RABGAP1L: variants seen among roughly 807,000 people sequenced by gnomAD.
RABGAP1L encodes rab GTPase-activating protein 1-like.
Under a neutral mutation model 137.7 loss-of-function variants are expected in RABGAP1L, and 63 were observed. That is an observed-to-expected ratio of 0.46 (90% CI 0.37 to 0.56). The LOEUF (loss-of-function observed/expected upper bound fraction) is 0.56, where lower values mean the gene tolerates loss of function less well. Ranked by LOEUF, RABGAP1L falls within the 20% of genes least tolerant of loss-of-function variation. The pLI is 0.00. For synonymous variants in RABGAP1L, 431 were observed against 433.7 expected, an observed-to-expected ratio of 0.99 and a Z score of 0.08; for missense variants, 1,095 against 1,244.0, an observed-to-expected ratio of 0.88 and a Z score of 1.80.
In RABGAP1L at chr1:174,863,837, G is replaced by A. The variant is rs185206987; in HGVS notation, c.2340+51877G>A. Among the ~76,000 whole-genome samples, 398 of 151,882 alleles carry A rather than the reference G, an allele frequency of 2.6e-3. 1 individual carries two copies. The highest frequency in any genetic ancestry group is 6.8e-3 in the Middle Eastern group (2 of 292). ...GCTACTAAGAATACAAAAATTAGCC[G>A]GGAGTGGTGGTGTGTGCCTATAATC... is the stretch of plus-strand genomic sequence containing the variant. On this transcript the variant is annotated intron_variant, in intron 19 of 25. Coordinates refer to ENST00000681986, the MANE Select transcript of RABGAP1L (RefSeq NM_001366446.1).
chr1:174,267,116 T>C (rs1235155743), intron 7 of RABGAP1L, among the ~76,000 whole-genome samples: 1 of 152,176 alleles, frequency 6.6e-6, no homozygotes, highest in East Asian at 1.9e-4. Flanking sequence ...AAAATTCCAA[T>C]CAGTTTTGCT....
intron 14 of RABGAP1L, among the ~76,000 whole-genome samples, chr1:174,650,317 C>A (rs974258001): frequency 4.6e-5 from 7 of 151,944 alleles, no homozygotes; most frequent in Admixed American, 2.6e-4. Context: ...TGTCTCTGCC[C>A]GGCTTTGGTA....
At chr1:174,549,424 G>A (rs1666264922) in intron 13 of RABGAP1L, among the ~76,000 whole-genome samples, 1 of 152,124 alleles carries the variant, frequency 6.6e-6, no homozygotes, top group Admixed American at 6.5e-5. Context: ...GCATTAAAGG[G>A]GGAGACTGGA....
chr1:174,570,955 A>G (rs1405760423), intron 13 of RABGAP1L, among the ~76,000 whole-genome samples: 1 of 152,242 alleles, frequency 6.6e-6, no homozygotes, highest in Non-Finnish European at 1.5e-5. Context: ...TATATGGAAG[A>G]GATACCTGCA....
intron 11 of RABGAP1L, among the ~76,000 whole-genome samples, chr1:174,330,279 G>T (rs186685892): frequency 1.8e-4 from 28 of 152,124 alleles, no homozygotes; most frequent in Non-Finnish European, 3.7e-4. Context: ...GAAAAATCAA[G>T]AAAGAAATCC....
intron 13 of RABGAP1L, among the ~76,000 whole-genome samples, chr1:174,516,441 A>G (rs1662861939): frequency 6.6e-6 from 1 of 151,690 alleles, no homozygotes; most frequent in South Asian, 2.1e-4. Flanking sequence ...CTGGTCTTGA[A>G]CTCATGGCTT....
chr1:174,563,826 A>G (rs1667386034), intron 13 of RABGAP1L, among the ~76,000 whole-genome samples: 1 of 152,154 alleles, frequency 6.6e-6, no homozygotes, highest in Non-Finnish European at 1.5e-5. Context: ...ATGGGGGGAA[A>G]GCTGTTGAAT....
chr1:174,934,336 C>T (rs1481609447), intron 19 of RABGAP1L, among the ~76,000 whole-genome samples: 2 of 152,128 alleles, frequency 1.3e-5, no homozygotes, highest in African/African-American at 4.8e-5. Flanking sequence ...GATCCACCTG[C>T]CTCGGCCTCC....
At chr1:174,494,146 T>C (rs927487270) in intron 13 of RABGAP1L, among the ~76,000 whole-genome samples, 6 of 152,100 alleles carry the variant, frequency 3.9e-5, no homozygotes, top group South Asian at 2.1e-4. Flanking sequence ...ACTCTGTTGG[T>C]GGTTTGGAAA....
rs147380378 is a variant in RABGAP1L, at chr1:174,861,616, G to C, written c.2340+49656G>C. On this transcript the variant is annotated intron_variant, in intron 19 of 25. Transcript: ENST00000681986. The stretch of plus-strand genomic sequence containing the variant: ...TTTCTCCATATCCTCACTAACAATT[G>C]TTATCTCTTTTTTTTTAAATAATGG... Among the ~76,000 whole-genome samples the C allele has an allele frequency of 2.8e-4, 42 of 151,802 alleles. No homozygotes were observed. The East Asian group carries it at 7.9e-3, about 29-fold the overall frequency.
chr1:174,533,789 G>A (rs1291117360), intron 13 of RABGAP1L, among the ~76,000 whole-genome samples: 1 of 152,028 alleles, frequency 6.6e-6, no homozygotes, highest in Non-Finnish European at 1.5e-5. Context: ...TCCTGCCTCA[G>A]CCTCCCAAGT....
At chr1:174,328,171 T>C (rs369051538) in intron 11 of RABGAP1L, among the ~76,000 whole-genome samples, 10 of 151,420 alleles carry the variant, frequency 6.6e-5, no homozygotes, top group East Asian at 3.9e-4. Flanking sequence ...AAAAACTGAA[T>C]TTAAACTGTA....
intron 24 of RABGAP1L, among the ~76,000 whole-genome samples, chr1:174,987,228 G>A (rs1021316193): frequency 1.3e-5 from 2 of 151,906 alleles, no homozygotes. Context: ...GTGCAGTGGC[G>A]CGATCTCGGC....
At chr1:174,757,313 C>T (rs1684845106) in intron 18 of RABGAP1L, among the ~76,000 whole-genome samples, 1 of 152,140 alleles carries the variant, frequency 6.6e-6, no homozygotes, top group Admixed American at 6.5e-5. Flanking sequence ...TATCCTTAAA[C>T]TTGCATCTTT....
chr1:174,255,972 C>T (rs1344360745), intron 7 of RABGAP1L, among the ~76,000 whole-genome samples: 1 of 152,208 alleles, frequency 6.6e-6, no homozygotes, highest in Non-Finnish European at 1.5e-5. Flanking sequence ...TCGCTTACAT[C>T]ACCACAGTAT....
At chr1:174,209,299 C>G (rs761554307) in intron 1 of RABGAP1L, among the ~76,000 whole-genome samples, 32 of 152,090 alleles carry the variant, frequency 2.1e-4, no homozygotes, top group Admixed American at 1.8e-3. Flanking sequence ...GTCTTTGGGT[C>G]CCCTTTTCCA....
At chr1:174,418,373 A>G (rs1005592058) in intron 13 of RABGAP1L, among the ~76,000 whole-genome samples, 1 of 152,206 alleles carries the variant, frequency 6.6e-6, no homozygotes, top group African/African-American at 2.4e-5. Context: ...TTGTTGCTAA[A>G]TTCTATCCAG....
At chr1:174,480,126 T>G (rs1658933093) in intron 13 of RABGAP1L, among the ~76,000 whole-genome samples, 1 of 152,168 alleles carries the variant, frequency 6.6e-6, no homozygotes, top group South Asian at 2.1e-4. Context: ...ACTTTAAGAT[T>G]GATTCTTCAT....
At chr1:174,179,334 A>G (rs73034903) in intron 1 of RABGAP1L, among the ~76,000 whole-genome samples, 3,880 of 152,282 alleles carry the variant, frequency 0.025, 184 homozygotes, top group African/African-American at 0.09. Flanking sequence ...TCTTTAAAGT[A>G]AAAATGGTAC....
Sources: allele counts gnomAD v4.1 joint callset (sites outside exome capture counted in the v4.1 genomes callset), GRCh38; gene constraint gnomAD v4.1.1; transcripts MANE v1.5; gene names NCBI Gene and HGNC (gene_info 2026-07-23, HGNC 2026-07-21).